LUZP2: variants seen among roughly 807,000 people sequenced by gnomAD.
LUZP2 encodes the protein leucine zipper protein 2.
A neutral mutation model predicts 51.6 loss-of-function variants in LUZP2; 52 were observed. That is an observed-to-expected ratio of 1.01 (90% CI 0.81 to 1.27). The LOEUF (loss-of-function observed/expected upper bound fraction) is 1.27. Ranked by LOEUF, LUZP2 falls within the 50% of genes most tolerant of loss-of-function variation. The pLI is 0.00. For missense variants in LUZP2, 436 were observed against 395.4 expected (o/e 1.10, Z -0.87); for synonymous variants, 154 against 137.3 (o/e 1.12, Z -0.85).
At chr11:24,742,455 A>G (rs567859734) in intron 4 of LUZP2, among the ~76,000 whole-genome samples, 1 of 152,146 alleles carries the variant, frequency 6.6e-6, no homozygotes, top group Non-Finnish European at 1.5e-5. Context: ...ATCATTAATG[A>G]TATTGAGCAT....
At chr11:24,681,580 A>G (rs1856738365) in intron 1 of LUZP2, among the ~76,000 whole-genome samples, 1 of 152,172 alleles carries the variant, frequency 6.6e-6, no homozygotes, top group African/African-American at 2.4e-5. Context: ...ATTATCTAAC[A>G]TATCTGTTCT....
At chr11:24,579,048 A>G (rs1436214624) in intron 1 of LUZP2, among the ~76,000 whole-genome samples, 1 of 152,172 alleles carries the variant, frequency 6.6e-6, no homozygotes, top group Non-Finnish European at 1.5e-5. Flanking sequence ...AACCTTAAAT[A>G]TAATTAATAC....
At chr11:24,845,168 G>C (rs534946611) in intron 5 of LUZP2, among the ~76,000 whole-genome samples, 1 of 152,318 alleles carries the variant, frequency 6.6e-6, no homozygotes, top group South Asian at 2.1e-4. Flanking sequence ...GCTGTACCCT[G>C]TGAAGCAGAG....
chr11:24,852,424 G>C (rs934358142), intron 5 of LUZP2, among the ~76,000 whole-genome samples: 3 of 152,162 alleles, frequency 2.0e-5, no homozygotes, highest in Non-Finnish European at 4.4e-5. Flanking sequence ...TTTTGAGTGA[G>C]TTTCTTAATC....
chr11:25,063,565 T>A (rs1453844561), intron 10 of LUZP2, among the ~76,000 whole-genome samples: 3 of 151,858 alleles, frequency 2.0e-5, no homozygotes, highest in African/African-American at 7.2e-5. Context: ...AAATAGTTTA[T>A]CATTTTAATT....
intron 1 of LUZP2, among the ~76,000 whole-genome samples, chr11:24,603,264 G>A (rs1250477422): frequency 6.6e-6 from 1 of 151,744 alleles, no homozygotes; most frequent in African/African-American, 2.4e-5. Context: ...CGTTGCATCT[G>A]ACTCCACAAT....
intron 1 of LUZP2, among the ~76,000 whole-genome samples, chr11:24,639,823 C>A (rs1855222724): frequency 6.6e-6 from 1 of 151,834 alleles, no homozygotes; most frequent in African/African-American, 2.4e-5. Flanking sequence ...TGGACATTCT[C>A]TCTCACTGCA....
At chr11:24,967,664 T>C (rs1855628458) in intron 7 of LUZP2, among the ~76,000 whole-genome samples, 1 of 152,026 alleles carries the variant, frequency 6.6e-6, no homozygotes, top group Non-Finnish European at 1.5e-5. Context: ...CTTCATTTTT[T>C]TAATGTGCAT....
At chr11:24,801,379 T>A (rs151089389) in intron 5 of LUZP2, among the ~76,000 whole-genome samples, 32 of 152,216 alleles carry the variant, frequency 2.1e-4, no homozygotes, top group African/African-American at 7.5e-4. Flanking sequence ...ACATGTTCAC[T>A]AATAATAATA....
At chr11:24,923,954 A>G (rs1279849408) in intron 7 of LUZP2, among the ~76,000 whole-genome samples, 1 of 152,142 alleles carries the variant, frequency 6.6e-6, no homozygotes, top group Non-Finnish European at 1.5e-5. Flanking sequence ...AAGGAGATGA[A>G]TACCTCGTTG....
At chr11:24,660,246 T>C (rs781711143) in intron 1 of LUZP2, among the ~76,000 whole-genome samples, 13 of 152,130 alleles carry the variant, frequency 8.5e-5, no homozygotes, top group Non-Finnish European at 1.3e-4. Flanking sequence ...ATCTGACCCA[T>C]GTAGTTTTAA....
At chr11:24,753,420 G>C (rs561245136) in intron 4 of LUZP2, among the ~76,000 whole-genome samples, 1 of 152,198 alleles carries the variant, frequency 6.6e-6, no homozygotes, top group East Asian at 1.9e-4. Context: ...ATGTCCCCCA[G>C]GGTATAGGGC....
intron 5 of LUZP2, among the ~76,000 whole-genome samples, chr11:24,904,060 C>T (rs769292798): frequency 1.3e-5 from 2 of 152,186 alleles, no homozygotes; most frequent in Middle Eastern, 3.4e-3. Flanking sequence ...TACTGTTTTC[C>T]GTAATGGCTG....
intron 5 of LUZP2, among the ~76,000 whole-genome samples, chr11:24,871,522 GAAA>G (rs945617529): frequency 1.6e-4 from 25 of 152,034 alleles, no homozygotes; most frequent in African/African-American, 5.8e-4. Context: ...ATTTAATTGT[GAAA>G]AAGGCTTTTC....
chr11:25,025,831 G>T (rs993304545), intron 9 of LUZP2, among the ~76,000 whole-genome samples: 6 of 152,134 alleles, frequency 3.9e-5, no homozygotes, highest in Non-Finnish European at 5.9e-5. Flanking sequence ...CTGCTATAAA[G>T]ACACATGCAC....
At chr11:24,574,642 G>C (rs1852581651) in intron 1 of LUZP2, among the ~76,000 whole-genome samples, 1 of 152,018 alleles carries the variant, frequency 6.6e-6, no homozygotes, top group African/African-American at 2.4e-5. Flanking sequence ...CTTGAGCACT[G>C]GGGTGAGTAA....
At chr11:24,693,958 A>G (rs1419276141) in intron 1 of LUZP2, among the ~76,000 whole-genome samples, 3 of 152,082 alleles carry the variant, frequency 2.0e-5, no homozygotes. Context: ...ACCCAAATAT[A>G]TTTAGGATGA....
intron 8 of LUZP2, among the ~76,000 whole-genome samples, chr11:24,979,842 G>A (rs1441367838): frequency 1.3e-5 from 2 of 151,524 alleles, no homozygotes; most frequent in Non-Finnish European, 3.0e-5. Context: ...ACATAGGTAG[G>A]GTAAGTGACC....
chr11:24,909,706 C>G (rs1853567403), intron 6 of LUZP2, among the ~76,000 whole-genome samples: 1 of 152,122 alleles, frequency 6.6e-6, no homozygotes, highest in Non-Finnish European at 1.5e-5. Flanking sequence ...TAGAGGGCCT[C>G]CCCAGCCATG....
Sources: allele counts gnomAD v4.1 joint callset (sites outside exome capture counted in the v4.1 genomes callset), GRCh38; gene constraint gnomAD v4.1.1; transcripts MANE v1.5; gene names NCBI Gene and HGNC (gene_info 2026-07-23, HGNC 2026-07-21).